Variants in OPHN1 observed in about 807,000 individuals in gnomAD.
OPHN1 encodes the protein oligophrenin-1.
A neutral mutation model predicts 60.7 loss-of-function variants in OPHN1; 11 were observed. The ratio of observed to expected loss-of-function variants is 0.18; its 90% CI spans 0.11 to 0.30. The LOEUF (loss-of-function observed/expected upper bound fraction) is 0.30. OPHN1 is among the 10% of genes least tolerant of loss of function. The pLI is 1.00. For synonymous variants in OPHN1, 226 were observed against 222.6 expected, an observed-to-expected ratio of 1.02 and a Z score of -0.14; for missense variants, 449 against 611.0, an observed-to-expected ratio of 0.73 and a Z score of 2.80.
At chrX:68,356,213 G>A (rs996047078) in intron 2 of OPHN1, among the ~76,000 whole-genome samples, 16 of 110,831 alleles carry the variant, frequency 1.4e-4, no homozygotes, top group Admixed American at 3.9e-4. Flanking sequence ...GATTGCTCTC[G>A]TGATGTGGGT....
intron 2 of OPHN1, 29 bp downstream of exon 2, chrX:68,432,838 G>A: frequency 1.7e-6 from 2 of 1,208,335 alleles, no homozygotes; most frequent in Non-Finnish European, 2.2e-6. Context: ...CCAGCTCAGA[G>A]AAACAGCTCA....
At chrX:68,083,858 T>A (rs968196711) in intron 19 of OPHN1, among the ~76,000 whole-genome samples, 4 of 111,600 alleles carry the variant, frequency 3.6e-5, no homozygotes, top group African/African-American at 1.3e-4. Context: ...GAGGAATGGC[T>A]GATCGGCGGA....
Position 68,377,663 on chromosome X carries a change from G to A in OPHN1, c.154+55204C>T, listed in dbSNP as rs776551715. 5.6e-5 allele frequency among the ~76,000 whole-genome samples: 6 copies of A among 107,795 alleles called. No homozygotes were observed. In the East Asian group the frequency reaches 8.9e-4, roughly 16 times the overall value. The allele number at this position is 107,795 out of a possible 115,157, so 93.6% of individuals were successfully genotyped here. On this transcript the variant is annotated intron_variant, in intron 2 of 24. Coordinates refer to ENST00000355520, the MANE Select transcript of OPHN1 (RefSeq NM_002547.3). ...TTCTCATTGTTCAATTCCCACCTACGAGTGAGAATATGCGGTGTGCGGTTT... is the reference window on the plus strand; with the variant it reads ...TTCTCATTGTTCAATTCCCACCTACAAGTGAGAATATGCGGTGTGCGGTTT...
chrX:68,354,979 T>A (rs1445764906), intron 2 of OPHN1, among the ~76,000 whole-genome samples: 4 of 111,702 alleles, frequency 3.6e-5, no homozygotes, highest in African/African-American at 1.3e-4. Flanking sequence ...CCTGTCTTCA[T>A]AAACCCAACT....
chrX:68,165,314 T>A (rs1214927251), intron 15 of OPHN1, among the ~76,000 whole-genome samples: 1 of 111,879 alleles, frequency 8.9e-6, no homozygotes, highest in Non-Finnish European at 1.9e-5. Context: ...TCATTAAGCT[T>A]AATCATTTTT....
At chrX:68,185,854 T>C (rs1224658507) in intron 15 of OPHN1, among the ~76,000 whole-genome samples, 1 of 109,852 alleles carries the variant, frequency 9.1e-6, no homozygotes, top group African/African-American at 3.3e-5. Context: ...TGAAAGCCAA[T>C]GGAGTTCAAG....
chrX:68,431,302 T>C (rs1428448847), intron 2 of OPHN1, among the ~76,000 whole-genome samples: 1 of 112,188 alleles, frequency 8.9e-6, no homozygotes, highest in Non-Finnish European at 1.9e-5. Context: ...ACAGTGTACA[T>C]ATTCTGACCA....
chrX:68,246,670 C>G (rs775580443), intron 5 of OPHN1, among the ~76,000 whole-genome samples: 1 of 110,738 alleles, frequency 9.0e-6, no homozygotes, highest in South Asian at 3.9e-4. Flanking sequence ...TTGAAATAGG[C>G]GAAAATGGGT....
At chrX:68,416,032 TAATATATATATA>T (rs2078792638) in intron 2 of OPHN1, among the ~76,000 whole-genome samples, 2 of 27,771 alleles carry the variant, frequency 7.2e-5, no homozygotes, top group African/African-American at 2.6e-4. Context: ...AAAAATTATA[TAATATATATATA>T]TATATATATA....
chrX:68,319,362 G>A (rs1157330141), intron 2 of OPHN1, among the ~76,000 whole-genome samples: 1 of 111,394 alleles, frequency 9.0e-6, no homozygotes, highest in African/African-American at 3.3e-5. Context: ...ATTTTTAGGA[G>A]AAAGTTTGAA....
chrX:68,153,102 T>G (rs2077292533), intron 15 of OPHN1, among the ~76,000 whole-genome samples: 1 of 107,256 alleles, frequency 9.3e-6, no homozygotes, highest in Non-Finnish European at 1.9e-5. Flanking sequence ...TCCCAGCTAT[T>G]TGAGAGGCTG....
chrX:68,115,567 A>C (rs1424717554), intron 16 of OPHN1, among the ~76,000 whole-genome samples: 1 of 112,373 alleles, frequency 8.9e-6, no homozygotes, highest in African/African-American at 3.2e-5. Flanking sequence ...ATGTTACAAA[A>C]AGGTCAAGTA....
At chrX:68,115,016 T>C (rs1212300282) in intron 16 of OPHN1, among the ~76,000 whole-genome samples, 1 of 111,642 alleles carries the variant, frequency 9.0e-6, no homozygotes. Context: ...AGAGAACAGA[T>C]GACGAAACCA....
intron 2 of OPHN1, among the ~76,000 whole-genome samples, chrX:68,330,839 C>A (rs753758171): frequency 9.4e-6 from 1 of 106,230 alleles, no homozygotes; most frequent in African/African-American, 3.4e-5. Context: ...TTCATAGTAT[C>A]TATAAATATA....
At chrX:68,195,057 A>AGGAAGGAAGGAAGGAC in intron 12 of OPHN1, among the ~76,000 whole-genome samples, 2 of 101,828 alleles carry the variant, frequency 2.0e-5, no homozygotes, top group African/African-American at 8.5e-5. Flanking sequence ...GAAGGAAGGA[A>AGGAAGGAAGGAAGGAC]GGAAGGAAGA....
intron 4 of OPHN1, among the ~76,000 whole-genome samples, chrX:68,282,074 C>T (rs867433704): frequency 1.8e-5 from 2 of 112,107 alleles, no homozygotes; most frequent in Non-Finnish European, 1.9e-5. Context: ...AATTACACTC[C>T]TTATTATTTA....
At chrX:68,251,104 G>T (rs140708176) in intron 5 of OPHN1, among the ~76,000 whole-genome samples, 24 of 105,571 alleles carry the variant, frequency 2.3e-4, no homozygotes, top group African/African-American at 8.0e-4. Context: ...GTGGAAAGAA[G>T]AATTGTAGTA....
At chrX:68,250,102 G>A (rs1363921642) in intron 5 of OPHN1, among the ~76,000 whole-genome samples, 4 of 111,950 alleles carry the variant, frequency 3.6e-5, no homozygotes, top group Admixed American at 9.5e-5. Context: ...CTTAATCTCC[G>A]CCCCAAGGGA....
intron 3 of OPHN1, among the ~76,000 whole-genome samples, chrX:68,287,273 AGAAGG>A (rs1326194805): frequency 1.0e-5 from 1 of 97,755 alleles, no homozygotes; most frequent in African/African-American, 3.7e-5. Flanking sequence ...AAAAGAGAAG[AGAAGG>A]GAAGGGAAGG....
Sources: gnomAD v4.1 joint callset for allele counts (sites outside exome capture counted in the v4.1 genomes callset) on GRCh38, gnomAD v4.1.1 for gene constraint, MANE v1.5 for transcripts, NCBI Gene and HGNC (gene_info 2026-07-23, HGNC 2026-07-21) for gene names.